Variants in L3MBTL4 observed in about 807,000 individuals in gnomAD.
L3MBTL4 encodes the protein L3MBTL histone methyl-lysine binding protein 4.
Under a neutral mutation model 84.5 loss-of-function variants are expected in L3MBTL4, and 70 were observed. That is an observed-to-expected ratio of 0.83 (90% CI 0.68 to 1.01). The LOEUF (loss-of-function observed/expected upper bound fraction) is 1.01, where lower values mean the gene tolerates loss of function less well. Ranked by LOEUF, L3MBTL4 falls within the 50% of genes least tolerant of loss-of-function variation. The pLI, the probability that L3MBTL4 is intolerant of heterozygous loss-of-function variation, is 0.00. For synonymous variants in L3MBTL4, 274 were observed against 259.8 expected (o/e 1.05, Z -0.52); for missense variants, 715 against 754.8 (o/e 0.95, Z 0.62).
chr18:6,344,326 A>T (rs1418760114), intron 1 of L3MBTL4, among the ~76,000 whole-genome samples: 16 of 152,210 alleles, frequency 1.1e-4, no homozygotes, highest in African/African-American at 3.9e-4. Flanking sequence ...AGAAATATAC[A>T]ATCTACCCAA....
At chr18:6,172,649 A>G (rs2044032433) in intron 12 of L3MBTL4, among the ~76,000 whole-genome samples, 1 of 151,898 alleles carries the variant, frequency 6.6e-6, no homozygotes, top group Admixed American at 6.6e-5. Context: ...TATCTGCAAA[A>G]CACACACACA....
At chr18:5,990,906 C>T (rs919639959) in intron 16 of L3MBTL4, among the ~76,000 whole-genome samples, 1 of 152,072 alleles carries the variant, frequency 6.6e-6, no homozygotes, top group East Asian at 1.9e-4. Flanking sequence ...ATGTGTAAAG[C>T]ACACAGGGCC....
At chr18:6,120,157 A>G (rs557530942) in intron 14 of L3MBTL4, among the ~76,000 whole-genome samples, 3 of 152,292 alleles carry the variant, frequency 2.0e-5, no homozygotes, top group East Asian at 1.9e-4. Flanking sequence ...CTGAAACAGT[A>G]CAGATGTGTT....
At chr18:5,968,670 C>T (rs9652918) in intron 17 of L3MBTL4, among the ~76,000 whole-genome samples, 8,604 of 151,214 alleles carry the variant, frequency 0.057, 767 homozygotes, top group African/African-American at 0.19. Flanking sequence ...ACCCTCTAGC[C>T]TGGGTAACAG....
chr18:6,244,561 C>T lies in L3MBTL4; in HGVS notation c.247G>A (p.Gly83Ser), dbSNP rs1403573660. The T allele has an allele frequency of 1.9e-6, 3 of 1,613,068 alleles. No individual in the cohort carries two copies. Among genetic ancestry groups the T allele is most frequent in the Non-Finnish European group, 1.7e-6 (2 of 1,179,226 alleles). ...KDQSFPEHEN[G>S]FQIGMRLEGI... ...TCTAATCTCATTCCAATCTGAAAACCATTTTCATGCTCTGGAAAGGACTGA... is the reference window on the plus strand; with the variant it reads ...TCTAATCTCATTCCAATCTGAAAACTATTTTCATGCTCTGGAAAGGACTGA... Residue 83 changes from glycine to serine, a missense_variant, in exon 6 of 19, where the codon GGT (glycine) becomes AGT (serine). Transcript: ENST00000317931.
chr18:6,270,169 A>G (rs1024757897), intron 4 of L3MBTL4, among the ~76,000 whole-genome samples: 2 of 152,160 alleles, frequency 1.3e-5, no homozygotes, highest in Non-Finnish European at 2.9e-5. Flanking sequence ...GATCTTCCCA[A>G]TCTGAACAAC....
At chr18:6,111,892 C>T (rs576123704) in intron 14 of L3MBTL4, among the ~76,000 whole-genome samples, 1 of 152,184 alleles carries the variant, frequency 6.6e-6, no homozygotes, top group East Asian at 1.9e-4. Context: ...GAATACAACA[C>T]ATTGTTATTA....
chr18:6,225,411 C>G (rs961511163), intron 10 of L3MBTL4, among the ~76,000 whole-genome samples: 4 of 152,120 alleles, frequency 2.6e-5, no homozygotes, highest in African/African-American at 7.2e-5. Context: ...AAGCTCCCTT[C>G]CAGAGCACCA....
intron 5 of L3MBTL4, among the ~76,000 whole-genome samples, chr18:6,249,020 A>T (rs181215327): frequency 1.3e-5 from 2 of 152,354 alleles, no homozygotes; most frequent in East Asian, 1.9e-4. Flanking sequence ...TTTCTCAGGA[A>T]TATTTTATTT....
intron 12 of L3MBTL4, among the ~76,000 whole-genome samples, chr18:6,210,741 A>G (rs1457842694): frequency 6.6e-6 from 1 of 152,244 alleles, no homozygotes; most frequent in Non-Finnish European, 1.5e-5. Flanking sequence ...CATGCAGCAC[A>G]GTAACATCTG....
chr18:6,339,089 A>G (rs888169752), intron 1 of L3MBTL4, among the ~76,000 whole-genome samples: 5 of 152,174 alleles, frequency 3.3e-5, no homozygotes, highest in Non-Finnish European at 5.9e-5. Context: ...CTTATAAAAC[A>G]ACCAGATCCG....
chr18:5,987,376 C>T (rs2053509103), intron 16 of L3MBTL4, among the ~76,000 whole-genome samples: 1 of 152,278 alleles, frequency 6.6e-6, no homozygotes, highest in Non-Finnish European at 1.5e-5. Flanking sequence ...CTCCCTCACT[C>T]CAGCCCCAAC....
chr18:6,174,792 T>TG (rs1308265635), intron 12 of L3MBTL4, among the ~76,000 whole-genome samples: 1 of 145,550 alleles, frequency 6.9e-6, no homozygotes, highest in Non-Finnish European at 1.5e-5. Context: ...GGCTTGAACA[T>TG]GGGAAGCGGA....
chr18:5,990,645 C>T (rs1219052857), intron 16 of L3MBTL4, among the ~76,000 whole-genome samples: 1 of 152,188 alleles, frequency 6.6e-6, no homozygotes, highest in Non-Finnish European at 1.5e-5. Flanking sequence ...AATTGAGTCC[C>T]ATGTTTCCTC....
chr18:6,353,899 C>T (rs2053316429), intron 1 of L3MBTL4, among the ~76,000 whole-genome samples: 1 of 151,882 alleles, frequency 6.6e-6, no homozygotes, highest in Non-Finnish European at 1.5e-5. Flanking sequence ...TCAAAAATAC[C>T]ACTGACATTA....
At chr18:5,959,748 ATTATC>A (rs1229122981) in intron 18 of L3MBTL4, among the ~76,000 whole-genome samples, 1 of 152,046 alleles carries the variant, frequency 6.6e-6, no homozygotes, top group Non-Finnish European at 1.5e-5. Context: ...GTATTAATTA[ATTATC>A]TTTTTCATTT....
intron 1 of L3MBTL4, among the ~76,000 whole-genome samples, chr18:6,318,269 G>C (rs1395381036): frequency 6.6e-6 from 1 of 151,854 alleles, no homozygotes; most frequent in African/African-American, 2.4e-5. Context: ...TATTAATGTT[G>C]AAAGTAAATG....
intron 10 of L3MBTL4, among the ~76,000 whole-genome samples, chr18:6,227,366 G>GA (rs534559161): frequency 2.1e-3 from 325 of 152,168 alleles, no homozygotes; most frequent in African/African-American, 7.3e-3. Flanking sequence ...ACATTCACAA[G>GA]AAAAAACACA....
At chr18:6,210,177 T>C (rs1218075476) in intron 12 of L3MBTL4, among the ~76,000 whole-genome samples, 3 of 152,194 alleles carry the variant, frequency 2.0e-5, no homozygotes, top group Non-Finnish European at 2.9e-5. Flanking sequence ...ATAAAATACA[T>C]AAGGCCAACT....
Sources: allele counts gnomAD v4.1 joint callset (sites outside exome capture counted in the v4.1 genomes callset), GRCh38; gene constraint gnomAD v4.1.1; transcripts MANE v1.5; gene names NCBI Gene and HGNC (gene_info 2026-07-23, HGNC 2026-07-21).